FAIM2: variants seen among roughly 807,000 people sequenced by gnomAD.
FAIM2 encodes the protein protein lifeguard 2.
A neutral mutation model predicts 47.4 loss-of-function variants in FAIM2; 27 were observed. The observed-to-expected ratio is 0.57, with a 90% CI of 0.42 to 0.78. The LOEUF (loss-of-function observed/expected upper bound fraction) is 0.78, where lower values mean the gene tolerates loss of function less well. FAIM2 is among the 30% of genes least tolerant of loss of function. The probability of loss-of-function intolerance (pLI) is 0.00; values close to 1 mark genes in which losing one functional copy is unlikely to be tolerated. For missense variants in FAIM2, 311 were observed against 389.4 expected (o/e 0.80, Z 1.69); for synonymous variants, 156 against 159.3 (o/e 0.98, Z 0.16).
chr12:49,880,504 A>ATGTGTG (rs1555158563), intron 11 of FAIM2, among the ~76,000 whole-genome samples: 2 of 135,572 alleles, frequency 1.5e-5, no homozygotes, highest in African/African-American at 5.8e-5. Flanking sequence ...ATGTGTGTGT[A>ATGTGTG]TGAGTGTGTA....
intron 5 of FAIM2, among the ~76,000 whole-genome samples, chr12:49,891,315 G>A (rs1342725599): frequency 6.6e-6 from 1 of 152,170 alleles, no homozygotes; most frequent in East Asian, 1.9e-4. Flanking sequence ...GATGGGACGA[G>A]CCTGCTTCTA....
intron 11 of FAIM2, among the ~76,000 whole-genome samples, chr12:49,883,460 AG>A (rs1410616321): frequency 6.6e-6 from 1 of 151,902 alleles, no homozygotes; most frequent in Non-Finnish European, 1.5e-5. Context: ...AGTGACAGGA[AG>A]ATGGGGAAGG....
intron 11 of FAIM2, among the ~76,000 whole-genome samples, chr12:49,883,548 A>G (rs563896684): frequency 3.3e-5 from 5 of 152,242 alleles, no homozygotes; most frequent in Admixed American, 3.3e-4. Flanking sequence ...TGCCTATGAG[A>G]CTTCCTCATG....
intron 9 of FAIM2, 122 bp downstream of exon 9, chr12:49,889,359 C>T (rs1157971172): frequency 1.9e-6 from 2 of 1,042,964 alleles, no homozygotes; most frequent in Admixed American, 2.0e-5. Flanking sequence ...TTCCCCAAAC[C>T]CAACTCACCC....
intron 5 of FAIM2, 133 bp from the exon 6 acceptor site, chr12:49,891,247 T>C (rs913153952): frequency 1.5e-5 from 12 of 784,938 alleles, no homozygotes; most frequent in Non-Finnish European, 2.6e-5. Context: ...GAGGCCACGG[T>C]CATCCTAGAA....
intron 5 of FAIM2, among the ~76,000 whole-genome samples, chr12:49,893,918 C>T (rs1565618953): frequency 1.3e-5 from 2 of 152,182 alleles, no homozygotes; most frequent in Non-Finnish European, 2.9e-5. Context: ...GGTTCTATCT[C>T]GCCAGCCAGA....
At chr12:49,901,457 C>A in intron 1 of FAIM2, 132 bp from the exon 2 acceptor site, 1 of 656,046 alleles carries the variant, frequency 1.5e-6, no homozygotes, top group Non-Finnish European at 2.4e-6. Context: ...GCCAGGAATG[C>A]AGACAAGAAT....
intron 11 of FAIM2, among the ~76,000 whole-genome samples, chr12:49,879,086 C>CT (rs1475136600): frequency 3.3e-5 from 4 of 120,976 alleles, no homozygotes; most frequent in Non-Finnish European, 6.8e-5. Flanking sequence ...GTGTATGTGT[C>CT]TGTGTGCATG....
chr12:49,878,608 G>GTGTATGTGTGCATGTGCATA (rs1946765472), intron 11 of FAIM2, among the ~76,000 whole-genome samples: 2 of 136,498 alleles, frequency 1.5e-5, no homozygotes, highest in African/African-American at 5.5e-5. Flanking sequence ...ATGTGTGCAT[G>GTGTATGTGTGCATGTGCATA]TGTATGTGTG....
rs142129827 is a variant in FAIM2, at chr12:49,878,392, G to GTGTGTGTGCGTGTA, written c.802-7740_802-7739insTACACGCACACACA. ...TGGGCATGTGCATGTGTGTATATGT[G>GTGTGTGTGCGTGTA]TGTGTCTGTGTGCATGTGAGTGTAT... On this transcript the variant is annotated intron_variant, in intron 11 of 11. Coordinates refer to ENST00000320634, the MANE Select transcript of FAIM2 (RefSeq NM_012306.4). Among the ~76,000 whole-genome samples the GTGTGTGTGCGTGTA allele has an allele frequency of 8.8e-5, 11 of 125,120 alleles. 1 individual carries two copies. Among genetic ancestry groups the GTGTGTGTGCGTGTA allele is most frequent in the Non-Finnish European group, 1.8e-4 (11 of 61,514 alleles). 82.1% of individuals were successfully genotyped at this position (125,120 alleles called of 152,430 possible).
At chr12:49,903,751 T>C (rs371988972) in intron 1 of FAIM2, 27 bp downstream of exon 1, 1 of 1,550,542 alleles carries the variant, frequency 6.4e-7, no homozygotes, top group Non-Finnish European at 8.7e-7. Flanking sequence ...GGATGGAGGA[T>C]GGTGCAGGCT....
intron 5 of FAIM2, among the ~76,000 whole-genome samples, chr12:49,893,973 G>T (rs1429022249): frequency 2.0e-5 from 3 of 152,160 alleles, no homozygotes; most frequent in Admixed American, 2.0e-4. Context: ...TTTTCTCTCT[G>T]GTTCATAGCT....
rs953953271 is a variant in FAIM2, at chr12:49,890,105, T to C, written c.563+12A>G. The C allele has an allele frequency of 6.2e-7, 1 of 1,613,470 alleles. No homozygotes were observed. The highest frequency in any genetic ancestry group is 2.2e-5 in the East Asian group (1 of 44,890). On this transcript the variant is annotated intron_variant, in intron 8 of 11. Transcript: ENST00000320634. ...CCTATGGTCCTTCTCTCCTTCCACC[T>C]GTTCCCTTTACCTGGACAGCATCCC...
chr12:49,868,389 G>A lies in FAIM2; in HGVS notation c.*2115C>T, dbSNP rs4898541. The A allele has an allele frequency of 0.2, 30,416 of 152,160 alleles. 3,552 individuals are homozygous for A. The highest frequency in any genetic ancestry group is 0.37 in the East Asian group (1,889 of 5,166). 9.4% of individuals were successfully genotyped at this position (152,160 alleles called of 1,614,324 possible). On this transcript the variant is annotated 3_prime_UTR_variant, in exon 12 of 12. Coordinates refer to ENST00000320634, the MANE Select transcript of FAIM2 (RefSeq NM_012306.4). The stretch of plus-strand genomic sequence containing the variant: ...AACCCTCACCTAATAGCAGGAGCCC[G>A]CTGGCAGTGAGGCTAGGAACCAGAA...
chr12:49,872,817 A>C (rs1329058315), intron 11 of FAIM2, among the ~76,000 whole-genome samples: 4 of 152,116 alleles, frequency 2.6e-5, no homozygotes, highest in African/African-American at 9.7e-5. Context: ...CTATGTGTAA[A>C]AGGGAGATGA....
intron 11 of FAIM2, among the ~76,000 whole-genome samples, chr12:49,878,125 TGC>T (rs1946754160): frequency 1.6e-5 from 2 of 121,784 alleles, no homozygotes; most frequent in East Asian, 2.9e-4. Context: ...TGGGTATGTG[TGC>T]ATGTGAGTGT....
intron 1 of FAIM2, 63 bp from the exon 2 acceptor site, chr12:49,901,388 C>A: frequency 7.8e-7 from 1 of 1,275,490 alleles, no homozygotes; most frequent in South Asian, 1.6e-5. Flanking sequence ...AACTCCTCCT[C>A]CTCACCAACT....
chr12:49,887,313 G>A, intron 11 of FAIM2, 73 bp downstream of exon 11: 4 of 1,357,608 alleles, frequency 2.9e-6, no homozygotes, highest in Non-Finnish European at 4.2e-6. Context: ...TGAGGAAGAT[G>A]GGAGGAGAAG....
In FAIM2 at chr12:49,889,486, T is replaced by G. The variant is rs765486396; in HGVS notation, c.646A>C (p.Thr216Pro). The G allele has an allele frequency of 4.3e-5, 69 of 1,613,586 alleles. No homozygotes were observed. Among genetic ancestry groups the G allele is most frequent in the Non-Finnish European group, 5.5e-5 (65 of 1,179,770 alleles). Residue 216 changes from threonine to proline, a missense_variant, in exon 9 of 12, where the codon ACC (threonine) becomes CCC (proline). Coordinates refer to ENST00000320634, the MANE Select transcript of FAIM2 (RefSeq NM_012306.4). ...CTGCAGGCCCCAGAGCTGACCTTGG[T>G]CTGGAAGCTGAAGACGGTGACTGAG... ...CLSVTVFSFQ[T>P]KFDFTSCQGV...
Sources: gnomAD v4.1 joint callset for allele counts (sites outside exome capture counted in the v4.1 genomes callset) on GRCh38, gnomAD v4.1.1 for gene constraint, MANE v1.5 for transcripts, NCBI Gene and HGNC (gene_info 2026-07-23, HGNC 2026-07-21) for gene names.